The following KSR2 variants were observed in gnomAD, a reference collection of about 807,000 sequenced individuals.
The protein encoded by KSR2 is kinase suppressor of ras 2.
A neutral mutation model predicts 107.8 loss-of-function variants in KSR2; 25 were observed. The observed-to-expected ratio is 0.23, with a 90% confidence interval of 0.17 to 0.32. The LOEUF (loss-of-function observed/expected upper bound fraction) is 0.32. KSR2 is among the 10% of genes least tolerant of loss of function. The probability of loss-of-function intolerance (pLI) is 1.00; values close to 1 mark genes in which losing one functional copy is unlikely to be tolerated. For synonymous variants in KSR2, 480 were observed against 507.0 expected (o/e 0.95, Z 0.71); for missense variants, 887 against 1,268.9 (o/e 0.70, Z 4.57).
chr12:117,526,782 T>C (rs1875199417), intron 13 of KSR2, among the ~76,000 whole-genome samples: 1 of 152,222 alleles, frequency 6.6e-6, no homozygotes, highest in African/African-American at 2.4e-5. Flanking sequence ...CACATCCCCC[T>C]TGGTATTCAC....
intron 5 of KSR2, among the ~76,000 whole-genome samples, chr12:117,637,223 CCAATTATA>C (rs374041553): frequency 6.6e-6 from 1 of 152,186 alleles, no homozygotes; most frequent in African/African-American, 2.4e-5. Flanking sequence ...ATTTTGTCAG[CCAATTATA>C]CATCATTTGT....
intron 1 of KSR2, among the ~76,000 whole-genome samples, chr12:117,871,551 G>A (rs1317621705): frequency 6.6e-6 from 1 of 151,538 alleles, no homozygotes; most frequent in Non-Finnish European, 1.5e-5. Flanking sequence ...AACCGAGATC[G>A]TGCCACTGCA....
intron 4 of KSR2, among the ~76,000 whole-genome samples, chr12:117,726,954 G>A (rs1185295087): frequency 1.3e-5 from 2 of 152,138 alleles, no homozygotes; most frequent in Non-Finnish European, 2.9e-5. Context: ...CCCAAAAAAT[G>A]TACGTTGAAG....
intron 1 of KSR2, among the ~76,000 whole-genome samples, chr12:117,871,550 C>T (rs1265934926): frequency 6.6e-6 from 1 of 151,250 alleles, no homozygotes. Context: ...AAACCGAGAT[C>T]GTGCCACTGC....
chr12:117,630,445 A>G (rs537399148), intron 5 of KSR2, among the ~76,000 whole-genome samples: 28 of 152,274 alleles, frequency 1.8e-4, no homozygotes, highest in African/African-American at 5.8e-4. Flanking sequence ...TGGGGGAGAT[A>G]TGGTACAAAA....
At position 117,525,305 on chromosome 12, in the gene KSR2, C is replaced by T. The variant is rs1001684478; in HGVS notation, c.1852-86G>A. 217 of 1,427,138 alleles carry T rather than the reference C, an allele frequency of 1.5e-4. No individual in the cohort carries two copies. In the Middle Eastern group the frequency reaches 2.3e-3, roughly 15 times the overall value. 88.4% of individuals were successfully genotyped at this position (1,427,138 alleles called of 1,614,324 possible). A position where few individuals can be genotyped will look rare whatever the true frequency, so the allele number is the denominator to read the frequency against. On this transcript the variant is annotated intron_variant, in intron 13 of 19. Coordinates refer to ENST00000339824, the MANE Select transcript of KSR2 (RefSeq NM_173598.6). Reference sequence around the variant, plus strand: ...GGTCCTGCTGGGTCCCGTGCACATGCGTAGGTCTGGGCACATCTCTACATG... The same window carrying T: ...GGTCCTGCTGGGTCCCGTGCACATGTGTAGGTCTGGGCACATCTCTACATG...
chr12:117,885,426 G>A (rs1894146004), intron 1 of KSR2, among the ~76,000 whole-genome samples: 1 of 152,144 alleles, frequency 6.6e-6, no homozygotes, highest in Non-Finnish European at 1.5e-5. Flanking sequence ...GCCAGGAAAG[G>A]TGGAGCCAGA....
intron 12 of KSR2, 42 bp from the exon 13 acceptor site, chr12:117,527,161 G>T (rs1344038136): frequency 1.4e-6 from 2 of 1,468,204 alleles, no homozygotes; most frequent in Non-Finnish European, 1.9e-6. Flanking sequence ...AGGTGAAAAG[G>T]CAGGTCTATA....
At chr12:117,631,980 A>T (rs1882827780) in intron 5 of KSR2, among the ~76,000 whole-genome samples, 1 of 152,198 alleles carries the variant, frequency 6.6e-6, no homozygotes, top group African/African-American at 2.4e-5. Context: ...AGTACAAAAG[A>T]CCATTAACTA....
Position 117,937,842 on chromosome 12 carries a change from C to T in KSR2, c.180+30234G>A, listed in dbSNP as rs866254468. Among the ~76,000 whole-genome samples, 5 of 151,306 alleles carry T rather than the reference C, an allele frequency of 3.3e-5. No individual in the cohort carries two copies. The South Asian group carries it at 6.3e-4, about 19-fold the overall frequency. ...AAAATTAGCCAGGCGTGGCAGTGCA[C>T]GCCTGTAATCCCAGCTACTCGGGAG... On this transcript the variant is annotated intron_variant, in intron 1 of 19. Transcript: ENST00000339824.
chr12:117,776,685 C>T (rs551541483), intron 3 of KSR2, among the ~76,000 whole-genome samples: 43 of 152,162 alleles, frequency 2.8e-4, no homozygotes, highest in African/African-American at 1.0e-3. Context: ...AGGGCAGGGT[C>T]AAAGGCACAA....
chr12:117,794,759 C>A (rs548009549), intron 3 of KSR2, among the ~76,000 whole-genome samples: 2 of 152,126 alleles, frequency 1.3e-5, no homozygotes, highest in East Asian at 1.9e-4. Context: ...ATACACACAC[C>A]CAACGTGCAC....
At position 117,484,396 on chromosome 12, in the gene KSR2, G is replaced by A. The variant is rs1447678525; in HGVS notation, c.2450+20C>T. 2 of 1,613,174 alleles carry A rather than the reference G, an allele frequency of 1.2e-6. No individual in the cohort carries two copies. Among genetic ancestry groups the A allele is most frequent in the Non-Finnish European group, 8.5e-7 (1 of 1,179,480 alleles). On this transcript the variant is annotated intron_variant, in intron 16 of 19. Transcript: ENST00000339824. The stretch of plus-strand genomic sequence containing the variant: ...CATCATCTGTCAGGAAACTCTCCGG[G>A]TCTTCCCACTGCCTCTCACCTGCCA...
At chr12:117,650,823 C>T (rs117389596) in intron 5 of KSR2, among the ~76,000 whole-genome samples, 385 of 152,244 alleles carry the variant, frequency 2.5e-3, no homozygotes, top group Middle Eastern at 0.01. Context: ...ATTCTGTCTC[C>T]CAGCTTCAGA....
At chr12:117,582,166 A>G in intron 6 of KSR2, 124 bp downstream of exon 6, 1 of 737,516 alleles carries the variant, frequency 1.4e-6, no homozygotes, top group Non-Finnish European at 2.3e-6. Flanking sequence ...GGAGAAAGGG[A>G]CATGGTGATG....
At chr12:117,753,821 A>T (rs1329114729) in intron 4 of KSR2, among the ~76,000 whole-genome samples, 1 of 151,554 alleles carries the variant, frequency 6.6e-6, no homozygotes, top group Non-Finnish European at 1.5e-5. Flanking sequence ...GAAAGTTAAA[A>T]AAAAAAAAAA....
In KSR2 at chr12:117,685,132, C is replaced by A. The variant is rs541792928; in HGVS notation, c.987-17474G>T. On this transcript the variant is annotated intron_variant, in intron 4 of 19. Coordinates refer to ENST00000339824, the MANE Select transcript of KSR2 (RefSeq NM_173598.6). ...GTAGAGACCCACTGCACAGCACAGCCCAGCCTCCTCCACCATCCCCTGAGC... is the reference window on the plus strand; with the variant it reads ...GTAGAGACCCACTGCACAGCACAGCACAGCCTCCTCCACCATCCCCTGAGC... Among the ~76,000 whole-genome samples, 4 of 152,318 alleles carry A rather than the reference C, an allele frequency of 2.6e-5. No homozygotes were observed. The East Asian group carries it at 7.7e-4, about 29-fold the overall frequency.
At chr12:117,910,170 G>A (rs532974847) in intron 1 of KSR2, among the ~76,000 whole-genome samples, 1 of 152,238 alleles carries the variant, frequency 6.6e-6, no homozygotes, top group East Asian at 1.9e-4. Context: ...GTTTGAGGGT[G>A]CAGCGAGCCA....
chr12:117,952,133 G>C (rs564051838), intron 1 of KSR2, among the ~76,000 whole-genome samples: 86 of 150,928 alleles, frequency 5.7e-4, no homozygotes, highest in Non-Finnish European at 1.0e-3. Flanking sequence ...AATTTGCTGA[G>C]AGTAGATCTT....
Sources: gnomAD v4.1 joint callset for allele counts (sites outside exome capture counted in the v4.1 genomes callset) on GRCh38, gnomAD v4.1.1 for gene constraint, MANE v1.5 for transcripts, NCBI Gene and HGNC (gene_info 2026-07-23, HGNC 2026-07-21) for gene names.